Variants in COMMD1 observed in about 807,000 individuals in gnomAD.
COMMD1 encodes COMM domain-containing protein 1.
A neutral mutation model predicts 17.2 loss-of-function variants in COMMD1; 10 were observed. That is an observed-to-expected ratio of 0.58 (90% CI 0.36 to 0.99). The LOEUF is 0.99. Among genes scored for constraint, COMMD1 ranks in the 50% least tolerant of loss-of-function variants. The pLI is 0.01. For missense variants in COMMD1, 270 were observed against 231.8 expected, an observed-to-expected ratio of 1.17 and a Z score of -1.07; for synonymous variants, 97 against 91.6, an observed-to-expected ratio of 1.06 and a Z score of -0.34.
chr2:62,063,235 A>G (rs559426599), intron 2 of COMMD1, among the ~76,000 whole-genome samples: 1 of 152,100 alleles, frequency 6.6e-6, no homozygotes, highest in Non-Finnish European at 1.5e-5. Context: ...AATAAAATAA[A>G]ATAAAAGAAA....
chr2:62,003,429 T>C (rs2103811883), intron 2 of COMMD1, among the ~76,000 whole-genome samples: 1 of 151,546 alleles, frequency 6.6e-6, no homozygotes. Context: ...TAATCCCAGC[T>C]ACTGGGGAGT....
Position 61,956,076 on chromosome 2 carries a change from G to A in COMMD1, c.181-44625G>A, listed in dbSNP as rs116501388. On this transcript the variant is annotated intron_variant, in intron 1 of 2. Coordinates refer to ENST00000311832, the MANE Select transcript of COMMD1 (RefSeq NM_152516.4). ...TAAACAGATACACAGTTTATCTGTGGTATTACCGTTTCATGAGGGAAGGCA... is the reference window on the plus strand; with the variant it reads ...TAAACAGATACACAGTTTATCTGTGATATTACCGTTTCATGAGGGAAGGCA... Among the ~76,000 whole-genome samples the A allele has an allele frequency of 6.6e-3, 999 of 152,284 alleles. 13 individuals are homozygous for A. Among genetic ancestry groups the A allele is most frequent in the African/African-American group, 0.023 (963 of 41,562 alleles).
intron 2 of COMMD1, among the ~76,000 whole-genome samples, chr2:62,040,302 A>C (rs955344695): frequency 6.6e-6 from 1 of 152,194 alleles, no homozygotes; most frequent in African/African-American, 2.4e-5. Flanking sequence ...TTCTTAAAAA[A>C]TGTATTTTAA....
At chr2:61,961,986 A>AT (rs1351237120) in intron 1 of COMMD1, among the ~76,000 whole-genome samples, 1 of 151,928 alleles carries the variant, frequency 6.6e-6, no homozygotes, top group Non-Finnish European at 1.5e-5. Flanking sequence ...GTAAATTTCT[A>AT]TTTTTTTCTA....
rs57649356 is a variant in COMMD1, at chr2:62,072,513, C to T, written c.463-63318C>T. Among the ~76,000 whole-genome samples, 460 of 152,270 alleles carry T rather than the reference C, an allele frequency of 3.0e-3. 20 individuals carry two copies. The East Asian group carries it at 0.074, about 25-fold the overall frequency. On this transcript the variant is annotated intron_variant, in intron 2 of 2. Transcript: ENST00000311832. The stretch of plus-strand genomic sequence containing the variant: ...ACTCTTCTCCACCTTGCTAACCCTC[C>T]GGTTGTCCACATAACCTGATTCTTC...
At chr2:62,062,367 C>T (rs1339101906) in intron 2 of COMMD1, among the ~76,000 whole-genome samples, 3 of 152,046 alleles carry the variant, frequency 2.0e-5, no homozygotes, top group Admixed American at 6.6e-5. Context: ...GCTGGGATTA[C>T]AGGTGCACGC....
At chr2:62,065,536 A>G (rs913468576) in intron 2 of COMMD1, among the ~76,000 whole-genome samples, 1 of 151,488 alleles carries the variant, frequency 6.6e-6, no homozygotes, top group African/African-American at 2.4e-5. Flanking sequence ...GTTGCCCAGC[A>G]TTGTCTCTCC....
At chr2:62,002,860 T>A (rs993488805) in intron 2 of COMMD1, among the ~76,000 whole-genome samples, 4 of 151,102 alleles carry the variant, frequency 2.6e-5, no homozygotes, top group African/African-American at 9.7e-5. Flanking sequence ...AAAAAAAAAA[T>A]TTAAATATGG....
chr2:61,973,072 G>A (rs1444820404), intron 1 of COMMD1, among the ~76,000 whole-genome samples: 2 of 152,072 alleles, frequency 1.3e-5, no homozygotes, highest in African/African-American at 4.8e-5. Flanking sequence ...TTTGGTGTTT[G>A]TGCTTTATCC....
chr2:62,097,615 TGTATGGGG>T (rs1266522652), intron 2 of COMMD1, among the ~76,000 whole-genome samples: 2 of 152,130 alleles, frequency 1.3e-5, no homozygotes, highest in Non-Finnish European at 2.9e-5. Context: ...TTGTAGTAGG[TGTATGGGG>T]GTACTATCTA....
At chr2:62,008,420 G>T (rs923888494) in intron 2 of COMMD1, among the ~76,000 whole-genome samples, 6 of 152,126 alleles carry the variant, frequency 3.9e-5, no homozygotes, top group African/African-American at 1.2e-4. Context: ...GTGTATGTGT[G>T]TAAATACATA....
intron 1 of COMMD1, among the ~76,000 whole-genome samples, chr2:61,979,529 A>G (rs562296480): frequency 1.3e-5 from 2 of 152,142 alleles, no homozygotes; most frequent in South Asian, 2.1e-4. Context: ...TCCCACTGCT[A>G]GGTATATTCC....
chr2:61,897,351 T>C (rs1214392665), intron 1 of COMMD1, among the ~76,000 whole-genome samples: 1 of 152,200 alleles, frequency 6.6e-6, no homozygotes, highest in African/African-American at 2.4e-5. Flanking sequence ...GGCTCCTGTG[T>C]CATGTAAAAC....
intron 2 of COMMD1, among the ~76,000 whole-genome samples, chr2:62,088,368 C>T (rs6711645): frequency 0.052 from 7,887 of 152,236 alleles, 703 homozygotes; most frequent in African/African-American, 0.18. Context: ...TTAACTGCAT[C>T]GTAAGCACTG....
chr2:62,020,727 T>C (rs1669588653), intron 2 of COMMD1, among the ~76,000 whole-genome samples: 1 of 152,054 alleles, frequency 6.6e-6, no homozygotes, highest in African/African-American at 2.4e-5. Flanking sequence ...TGGTTGGGCG[T>C]GGTGGCTCAC....
At chr2:62,040,249 G>T (rs552454937) in intron 2 of COMMD1, among the ~76,000 whole-genome samples, 5 of 152,156 alleles carry the variant, frequency 3.3e-5, no homozygotes, top group African/African-American at 1.2e-4. Flanking sequence ...GTGAGACTCT[G>T]TCTCAAAAAA....
chr2:62,012,725 C>T (rs1407870564), intron 2 of COMMD1, among the ~76,000 whole-genome samples: 1 of 152,052 alleles, frequency 6.6e-6, no homozygotes, highest in Admixed American at 6.6e-5. Context: ...TAAGAAGTAG[C>T]AAGAAGTAAA....
At chr2:61,998,183 G>T (rs1434334310) in intron 1 of COMMD1, among the ~76,000 whole-genome samples, 13 of 151,114 alleles carry the variant, frequency 8.6e-5, no homozygotes. Context: ...GTGGTGGCTG[G>T]TTTGATCTTT....
intron 2 of COMMD1, among the ~76,000 whole-genome samples, chr2:62,036,220 G>A (rs1670036179): frequency 6.7e-6 from 1 of 149,112 alleles, no homozygotes; most frequent in South Asian, 2.1e-4. Flanking sequence ...ATGATTGGTT[G>A]GTAAAATGAG....
Sources: gnomAD v4.1 joint callset for allele counts (sites outside exome capture counted in the v4.1 genomes callset) on GRCh38, gnomAD v4.1.1 for gene constraint, MANE v1.5 for transcripts, NCBI Gene and HGNC (gene_info 2026-07-23, HGNC 2026-07-21) for gene names.